DCAF6: variants seen among roughly 807,000 people sequenced by gnomAD.
The protein encoded by DCAF6 is DDB1- and CUL4-associated factor 6.
In DCAF6, 54 loss-of-function variants were observed where a neutral mutation model predicts 125.1. The ratio of observed to expected loss-of-function variants is 0.43; its 90% CI spans 0.35 to 0.54. The LOEUF (loss-of-function observed/expected upper bound fraction) is 0.54, where lower values mean the gene tolerates loss of function less well. Among genes scored for constraint, DCAF6 ranks in the 20% least tolerant of loss-of-function variants. The probability of loss-of-function intolerance (pLI) is 0.01; values close to 1 mark genes in which losing one functional copy is unlikely to be tolerated. For synonymous variants in DCAF6, 371 were observed against 390.4 expected (o/e 0.95, Z 0.58); for missense variants, 934 against 1,161.7 (o/e 0.80, Z 2.85).
intron 12 of DCAF6, among the ~76,000 whole-genome samples, chr1:168,029,407 C>G (rs1490975249): frequency 6.6e-6 from 1 of 152,134 alleles, no homozygotes; most frequent in African/African-American, 2.4e-5. Flanking sequence ...TCAACTGATA[C>G]GTAAATGCCT....
At chr1:167,994,619 G>T (rs1013634126) in intron 7 of DCAF6, among the ~76,000 whole-genome samples, 1 of 152,142 alleles carries the variant, frequency 6.6e-6, no homozygotes, top group Non-Finnish European at 1.5e-5. Context: ...AGAAGATAAT[G>T]AATTTATTAT....
Position 167,974,860 on chromosome 1 carries a change from G to A in DCAF6, c.283G>A (p.Ala95Thr). ...VLTTIRSGHR[A>T]NIFSAKFLPC... Reference sequence around the variant, plus strand: ...GACAACAATTCGTTCAGGGCACCGAGCAAACATATTTAGTGCAAAGTTCTT... The same window carrying A: ...GACAACAATTCGTTCAGGGCACCGAACAAACATATTTAGTGCAAAGTTCTT... Residue 95 changes from alanine to threonine, a missense_variant, in exon 4 of 22, where the codon GCA becomes ACA. Physicochemically the swap from Ala to Thr is moderately conservative, Grantham distance 58. Coordinates refer to ENST00000367840, the MANE Select transcript of DCAF6 (RefSeq NM_001198956.2). 1.3e-6 allele frequency: 2 copies of A among 1,563,132 alleles called. No homozygotes were observed. Among genetic ancestry groups the A allele is most frequent in the Non-Finnish European group, 1.7e-6 (2 of 1,154,864 alleles).
chr1:167,894,086 G>T, the DCAF6 span: 1 of 684,886 alleles, frequency 1.5e-6, no homozygotes, highest in East Asian at 2.8e-5. Flanking sequence ...ACACCTAGGG[G>T]CTGAAAGGGC....
the DCAF6 span, among the ~76,000 whole-genome samples, chr1:167,925,454 T>TATATATATATAC: frequency 8.7e-6 from 1 of 114,706 alleles, no homozygotes; most frequent in Non-Finnish European, 1.8e-5. Flanking sequence ...TATATATATA[T>TATATATATATAC]ATATATATAT....
chr1:167,935,573 G>A (rs1377379982), upstream of DCAF6, among the ~76,000 whole-genome samples: 2 of 152,128 alleles, frequency 1.3e-5, no homozygotes, highest in African/African-American at 4.8e-5. Flanking sequence ...CAGGAGAGAG[G>A]GTGAAATGCA....
At chr1:168,066,535 T>A (rs1692354780) in intron 20 of DCAF6, 70 bp downstream of exon 20, 4 of 1,067,418 alleles carry the variant, frequency 3.7e-6, no homozygotes, top group Non-Finnish European at 5.6e-6. Context: ...CTAAGAAAAA[T>A]TAAAAGTTAT....
chr1:168,004,466 T>G, intron 9 of DCAF6, 67 bp from the exon 10 acceptor site: 1 of 1,464,142 alleles, frequency 6.8e-7, no homozygotes, highest in Non-Finnish European at 9.4e-7. Flanking sequence ...TCTGAGCATA[T>G]CTGTTTAGAG....
chr1:167,863,990 C>T, the DCAF6 span, among the ~76,000 whole-genome samples: 1 of 152,186 alleles, frequency 6.6e-6, no homozygotes. Flanking sequence ...ACTCCATTCC[C>T]ACTCCATTTG....
intron 20 of DCAF6, among the ~76,000 whole-genome samples, chr1:168,068,105 A>C (rs959376507): frequency 2.0e-5 from 3 of 152,232 alleles, no homozygotes; most frequent in African/African-American, 7.2e-5. Context: ...AAATGTTTTA[A>C]GTAGCCTCAA....
At chr1:167,951,730 C>T in intron 1 of DCAF6, 70 bp from the exon 2 acceptor site, 1 of 1,001,204 alleles carries the variant, frequency 1.0e-6, no homozygotes, top group East Asian at 2.4e-5. Flanking sequence ...ATCCTAGGCT[C>T]CTAATTTCTG....
At chr1:167,904,228 T>A in the DCAF6 span, among the ~76,000 whole-genome samples, 1 of 151,796 alleles carries the variant, frequency 6.6e-6, no homozygotes, top group African/African-American at 2.4e-5. Flanking sequence ...GCTGGGACTA[T>A]AAGCGTGCGC....
At chr1:167,933,873 T>C (rs1221596249), upstream of DCAF6, among the ~76,000 whole-genome samples, 1 of 152,246 alleles carries the variant, frequency 6.6e-6, no homozygotes, top group South Asian at 2.1e-4. Flanking sequence ...CTGACAGTTA[T>C]TGAGAGTCTA....
Position 168,066,465 on chromosome 1 carries a change from A to G in DCAF6, c.2685A>G (p.Glu895=). 6.3e-7 allele frequency: 1 copy of G among 1,588,670 alleles called. No individual in the cohort carries two copies. The highest frequency in any genetic ancestry group is 8.6e-7 in the Non-Finnish European group (1 of 1,158,908). ...TTTTTAACCGAAAACTTGCTGATGA[A>G]GTAAGATTTTTATTGTACTTACTAT... ...SRIFNRKLAD[E]VITRNELMLE... is the part of the protein sequence containing the mutation. Residue 895 remains glutamate (E), a splice_region_variant and synonymous_variant, in exon 20 of 22, where the codon GAA becomes GAG. Transcript: ENST00000367840.
At chr1:167,882,088 G>A in the DCAF6 span, among the ~76,000 whole-genome samples, 1 of 152,182 alleles carries the variant, frequency 6.6e-6, no homozygotes, top group East Asian at 1.9e-4. Flanking sequence ...GTAATTAAGT[G>A]CTCTGCTTTT....
chr1:168,044,907 A>G lies in DCAF6; in HGVS notation c.1938A>G (p.Ser646=), dbSNP rs1688971931. 1 of 1,612,682 alleles carries G rather than the reference A, an allele frequency of 6.2e-7. No homozygotes were observed. Among genetic ancestry groups the G allele is most frequent in the Admixed American group, 1.7e-5 (1 of 59,730 alleles). ...PVENHINITQ[S]DKFTAKPLDS... ...AACTTTATTTTCTGACAGCACAATC[A>G]GATAAGTTCACAGCCAAGCCATTGG... is the stretch of plus-strand genomic sequence containing the variant. The change falls in exon 16 of 22, where the codon TCA becomes TCG. Residue 646 remains serine (S), a synonymous_variant. Coordinates refer to ENST00000367840, the MANE Select transcript of DCAF6 (RefSeq NM_001198956.2).
intron 1 of DCAF6, 82 bp downstream of exon 1, chr1:167,937,090 T>G: frequency 7.9e-7 from 1 of 1,261,774 alleles, no homozygotes; most frequent in South Asian, 1.3e-5. Flanking sequence ...CTGTTGGAGG[T>G]GGGACGGCGT....
chr1:167,919,907 CAA>C, the DCAF6 span: 3,724 of 868,032 alleles, frequency 4.3e-3, no homozygotes, highest in South Asian at 8.0e-3. Flanking sequence ...GACCCCGTCT[CAA>C]AAAAAAAAAA....
At position 167,936,910 on chromosome 1, in the gene DCAF6, C is replaced by G; in HGVS notation, c.-2C>G. 6.3e-7 allele frequency: 1 copy of G among 1,599,696 alleles called. No individual in the cohort carries two copies. Among genetic ancestry groups the G allele is most frequent in the Non-Finnish European group, 8.5e-7 (1 of 1,174,556 alleles). The stretch of plus-strand genomic sequence containing the variant: ...CCCCTCCCACCCGGCTCAGGCAGAG[C>G]CATGTCTCGGGGTGGCTCCTACCCA... On this transcript the variant is annotated 5_prime_UTR_variant, in exon 1 of 22. Transcript: ENST00000367840.
chr1:167,904,952 G>GTTGCTCA, the DCAF6 span: 1 of 1,614,006 alleles, frequency 6.2e-7, no homozygotes, highest in Non-Finnish European at 8.5e-7. Flanking sequence ...ACGCGAGCCT[G>GTTGCTCA]TTGCTCATCC....
Sources: gnomAD v4.1 joint callset for allele counts (sites outside exome capture counted in the v4.1 genomes callset) on GRCh38, gnomAD v4.1.1 for gene constraint, MANE v1.5 for transcripts, NCBI Gene and HGNC (gene_info 2026-07-23, HGNC 2026-07-21) for gene names.